DYNC1I1: variants seen among roughly 807,000 people sequenced by gnomAD.
DYNC1I1 encodes the protein cytoplasmic dynein 1 intermediate chain 1.
In DYNC1I1, 43 loss-of-function variants were observed where a neutral mutation model predicts 86.6. The observed-to-expected ratio is 0.50, with a 90% confidence interval of 0.39 to 0.64. The LOEUF is 0.64. Ranked by LOEUF, DYNC1I1 falls within the 30% of genes least tolerant of loss-of-function variation. The probability of loss-of-function intolerance (pLI) is 0.00; values close to 1 mark genes in which losing one functional copy is unlikely to be tolerated. For missense variants in DYNC1I1, 604 were observed against 788.8 expected (o/e 0.77, Z 2.81); for synonymous variants, 262 against 283.7 (o/e 0.92, Z 0.77).
intron 16 of DYNC1I1, among the ~76,000 whole-genome samples, chr7:96,088,338 A>G (rs1393753378): frequency 6.6e-6 from 1 of 152,152 alleles, no homozygotes; most frequent in Non-Finnish European, 1.5e-5. Context: ...AATTCAATGA[A>G]GTTCATATAT....
At chr7:95,795,630 G>A (rs570432208) in intron 1 of DYNC1I1, among the ~76,000 whole-genome samples, 9 of 152,178 alleles carry the variant, frequency 5.9e-5, no homozygotes, top group African/African-American at 1.9e-4. Flanking sequence ...GCAAACTAAC[G>A]CAGGAATGGG....
chr7:95,834,868 C>A (rs1307020931), intron 5 of DYNC1I1, among the ~76,000 whole-genome samples: 2 of 151,224 alleles, frequency 1.3e-5, no homozygotes, highest in African/African-American at 4.9e-5. Context: ...CTCTTTTTTT[C>A]TTTATTAGTC....
At chr7:95,853,258 G>A (rs901243500) in intron 5 of DYNC1I1, among the ~76,000 whole-genome samples, 1 of 152,154 alleles carries the variant, frequency 6.6e-6, no homozygotes, top group East Asian at 1.9e-4. Context: ...GGTCATGAGA[G>A]CCTTTCCTTC....
chr7:95,909,236 A>AGGGGGGGGGGGGGGGGG (rs1476037005), intron 6 of DYNC1I1, among the ~76,000 whole-genome samples: 1 of 3,758 alleles, frequency 2.7e-4, no homozygotes, highest in Non-Finnish European at 4.5e-4. Context: ...GGAGGGTGGG[A>AGGGGGGGGGGGGGGGGG]GGGGGGTGGG....
intron 16 of DYNC1I1, among the ~76,000 whole-genome samples, chr7:96,105,170 T>C (rs1791197099): frequency 6.6e-6 from 1 of 152,060 alleles, no homozygotes; most frequent in South Asian, 2.1e-4. Context: ...ATATTGATGT[T>C]ATATTTTGCA....
At chr7:95,836,440 T>C (rs1490056474) in intron 5 of DYNC1I1, among the ~76,000 whole-genome samples, 9 of 151,502 alleles carry the variant, frequency 5.9e-5, no homozygotes, top group Non-Finnish European at 1.3e-4. Flanking sequence ...CTGACAATTA[T>C]GTGTCTTGGA....
At chr7:95,957,307 C>T (rs926780972) in intron 6 of DYNC1I1, among the ~76,000 whole-genome samples, 1 of 152,158 alleles carries the variant, frequency 6.6e-6, no homozygotes, top group Non-Finnish European at 1.5e-5. Context: ...GTAAACCTGG[C>T]ATTTGGAAAG....
chr7:95,831,109 G>A (rs1323239961), intron 5 of DYNC1I1, among the ~76,000 whole-genome samples: 3 of 152,002 alleles, frequency 2.0e-5, no homozygotes, highest in Non-Finnish European at 4.4e-5. Flanking sequence ...TTCTTCGTAT[G>A]TTCTGGATAA....
At chr7:96,074,490 G>A (rs974090709) in intron 14 of DYNC1I1, among the ~76,000 whole-genome samples, 5 of 145,800 alleles carry the variant, frequency 3.4e-5, no homozygotes, top group South Asian at 2.1e-4. Flanking sequence ...GGCGGAGCTT[G>A]CAATGAGCCG....
intron 6 of DYNC1I1, among the ~76,000 whole-genome samples, chr7:95,871,609 AT>A (rs1790171195): frequency 6.6e-6 from 1 of 152,320 alleles, no homozygotes; most frequent in African/African-American, 2.4e-5. Flanking sequence ...GGAGTGAATT[AT>A]TTTTTAAAAT....
chr7:95,968,905 T>C (rs1167849086), intron 6 of DYNC1I1, among the ~76,000 whole-genome samples: 4 of 151,170 alleles, frequency 2.6e-5, no homozygotes, highest in South Asian at 4.2e-4. Flanking sequence ...CAGCTACACA[T>C]ATAGGGCTGC....
chr7:95,985,001 T>C (rs1207421119), intron 8 of DYNC1I1, 24 bp downstream of exon 8: 6 of 1,601,400 alleles, frequency 3.7e-6, no homozygotes, highest in Non-Finnish European at 5.1e-6. Context: ...GTGCATTCTT[T>C]AAAAAATAGC....
intron 3 of DYNC1I1, 195 bp from the exon 4 acceptor site, chr7:95,813,052 C>T: frequency 2.4e-6 from 3 of 1,238,326 alleles, no homozygotes; most frequent in Admixed American, 2.6e-5. Flanking sequence ...TTTTAATTTC[C>T]AAAATACAAA....
At chr7:96,028,521 A>G (rs1300234381) in intron 11 of DYNC1I1, among the ~76,000 whole-genome samples, 200 bp downstream of exon 11, 5 of 152,204 alleles carry the variant, frequency 3.3e-5, no homozygotes, top group African/African-American at 1.2e-4. Flanking sequence ...TTAATAACCT[A>G]CATGTGCTAG....
At chr7:96,017,547 A>G (rs969327381) in intron 10 of DYNC1I1, among the ~76,000 whole-genome samples, 3 of 152,314 alleles carry the variant, frequency 2.0e-5, no homozygotes, top group African/African-American at 7.2e-5. Flanking sequence ...TTTCTAAAAT[A>G]TGACCATTTT....
chr7:95,847,346 GT>G (rs1789460720), intron 5 of DYNC1I1, among the ~76,000 whole-genome samples: 1 of 152,030 alleles, frequency 6.6e-6, no homozygotes, highest in Non-Finnish European at 1.5e-5. Flanking sequence ...CCTTTGAATT[GT>G]TTATCCTAGA....
intron 1 of DYNC1I1, among the ~76,000 whole-genome samples, chr7:95,795,271 G>T (rs1432703092): frequency 7.2e-6 from 1 of 138,360 alleles, no homozygotes. Flanking sequence ...TAATGAAAGT[G>T]CCCAATAATG....
chr7:95,903,102 A>G (rs1031144766), intron 6 of DYNC1I1, among the ~76,000 whole-genome samples: 12 of 152,340 alleles, frequency 7.9e-5, no homozygotes, highest in Middle Eastern at 3.4e-3. Context: ...ACAGTACTCC[A>G]TGGCCAAATC....
intron 10 of DYNC1I1, among the ~76,000 whole-genome samples, chr7:96,019,642 T>C (rs1035916761): frequency 1.3e-5 from 2 of 152,104 alleles, no homozygotes; most frequent in African/African-American, 4.8e-5. Flanking sequence ...TAAAGTCACA[T>C]CACAGATCAA....
Sources: allele counts gnomAD v4.1 joint callset (sites outside exome capture counted in the v4.1 genomes callset), GRCh38; gene constraint gnomAD v4.1.1; transcripts MANE v1.5; gene names NCBI Gene and HGNC (gene_info 2026-07-23, HGNC 2026-07-21).